Variants in TSNARE1 observed in about 807,000 individuals in gnomAD.
TSNARE1 encodes the protein t-SNARE domain containing 1.
TSNARE1 carries 49 observed loss-of-function variants against 62.0 expected under a neutral mutation model. That is an observed-to-expected ratio of 0.79 (90% CI 0.63 to 1.00). TSNARE1 has a LOEUF of 1.00. TSNARE1 is among the 50% of genes least tolerant of loss of function. The pLI is 0.00. For missense variants in TSNARE1, 755 were observed against 700.1 expected, an observed-to-expected ratio of 1.08 and a Z score of -0.88; for synonymous variants, 328 against 294.4, an observed-to-expected ratio of 1.11 and a Z score of -1.17.
intron 12 of TSNARE1, among the ~76,000 whole-genome samples, chr8:142,242,981 A>G (rs1817736192): frequency 6.6e-6 from 1 of 151,466 alleles, no homozygotes; most frequent in South Asian, 2.1e-4. Context: ...GCTAACAGAT[A>G]TATGACAAGG....
In TSNARE1 at chr8:142,358,284, G is replaced by A. The variant is rs11987042; in HGVS notation, c.-39-3521C>T. ...TCTGCTGGGTTTCAGGACAAGGGGAGCAGCCAGCGGCCATCACTGCAAAGG... is the reference window on the plus strand; with the variant it reads ...TCTGCTGGGTTTCAGGACAAGGGGAACAGCCAGCGGCCATCACTGCAAAGG... On this transcript the variant is annotated intron_variant, in intron 1 of 13. Transcript: ENST00000524325. 1.7e-3 allele frequency among the ~76,000 whole-genome samples: 242 copies of A among 142,460 alleles called. 8 individuals are homozygous for A. The highest frequency in any genetic ancestry group is 5.3e-3 in the African/African-American group (201 of 37,912). The allele number at this position is 142,460 out of a possible 152,430, so 93.5% of individuals were successfully genotyped here.
intron 12 of TSNARE1, among the ~76,000 whole-genome samples, chr8:142,259,716 C>G (rs565313477): frequency 2.2e-4 from 34 of 152,180 alleles, no homozygotes; most frequent in African/African-American, 8.2e-4. Context: ...ACCCCAGCAC[C>G]GGCGCAGGCC....
chr8:142,242,118 G>A (rs34459213), intron 12 of TSNARE1, among the ~76,000 whole-genome samples: 2 of 150,724 alleles, frequency 1.3e-5, no homozygotes, highest in African/African-American at 2.4e-5. Context: ...ATGGAAGACC[G>A]ACATGTGAGA....
intron 1 of TSNARE1, among the ~76,000 whole-genome samples, chr8:142,381,772 C>T (rs564205147): frequency 6.6e-5 from 10 of 152,328 alleles, no homozygotes; most frequent in East Asian, 3.9e-4. Flanking sequence ...GGGCAAGCAT[C>T]GTCACCTCCC....
At chr8:142,300,382 G>C in intron 10 of TSNARE1, 104 bp downstream of exon 10, 1 of 1,379,160 alleles carries the variant, frequency 7.3e-7, no homozygotes, top group South Asian at 1.4e-5. Flanking sequence ...GCCCCTCCAG[G>C]TCAAGGGCAA....
At chr8:142,270,895 C>T in intron 12 of TSNARE1, 5 of 985,564 alleles carry the variant, frequency 5.1e-6, no homozygotes, top group Non-Finnish European at 6.0e-6. Context: ...CCACCCTCTA[C>T]AGGCAATGGC....
chr8:142,276,509 G>A (rs572024768), intron 11 of TSNARE1: 2 of 985,408 alleles, frequency 2.0e-6, no homozygotes, highest in Middle Eastern at 5.2e-4. Flanking sequence ...CTGTTGCTGA[G>A]AGGTGAATGT....
chr8:142,227,245 C>T (rs1816859313), intron 13 of TSNARE1, among the ~76,000 whole-genome samples: 1 of 150,280 alleles, frequency 6.7e-6, no homozygotes, highest in Admixed American at 6.6e-5. Flanking sequence ...ACATCCTGCC[C>T]ACAATCACAG....
chr8:142,269,304 G>A (rs1050947396), intron 12 of TSNARE1, among the ~76,000 whole-genome samples: 4 of 152,204 alleles, frequency 2.6e-5, no homozygotes, highest in African/African-American at 9.7e-5. Flanking sequence ...AGGACATAGT[G>A]CAGGAGCAGG....
chr8:142,344,532 G>A (rs758558681), intron 3 of TSNARE1, 60 bp from the exon 4 acceptor site: 62 of 1,423,680 alleles, frequency 4.4e-5, no homozygotes, highest in Middle Eastern at 5.0e-4. Context: ...CAGCGGCCCC[G>A]GCGGCAGCTC....
intron 13 of TSNARE1, among the ~76,000 whole-genome samples, chr8:142,223,043 CTCACTCAT>C (rs1322386659): frequency 9.8e-5 from 4 of 40,756 alleles, no homozygotes; most frequent in African/African-American, 2.6e-4. Context: ...CATTCACTCA[CTCACTCAT>C]TCACTCATTC....
intron 12 of TSNARE1, among the ~76,000 whole-genome samples, chr8:142,269,084 G>GTTGTT (rs1819299373): frequency 6.6e-6 from 1 of 152,244 alleles, no homozygotes. Context: ...GTTTGCCTTG[G>GTTGTT]TTGTTTCTGT....
rs770494365 is a variant in TSNARE1 at position 142,230,556 on chromosome 8, G to A, written c.1447-977C>T. On this transcript the variant is annotated intron_variant, in intron 12 of 13. Coordinates refer to ENST00000524325, the MANE Select transcript of TSNARE1 (RefSeq NM_145003.5). The stretch of plus-strand genomic sequence containing the variant: ...GATGCCAGACAGGCGGAAGACTAAC[G>A]TGTCCATGAAAGATGGGCAGGGGCC... Among the ~76,000 whole-genome samples, 3 of 152,288 alleles carry A rather than the reference G, an allele frequency of 2.0e-5. 1 individual carries two copies. The South Asian group carries it at 6.2e-4, about 32-fold the overall frequency.
intron 12 of TSNARE1, among the ~76,000 whole-genome samples, chr8:142,256,193 TCAC>T (rs1818529203): frequency 6.4e-5 from 4 of 62,968 alleles, no homozygotes; most frequent in South Asian, 6.5e-4. Context: ...ACCACCATCA[TCAC>T]CACCACCACT....
At chr8:142,258,956 G>A (rs934233767) in intron 12 of TSNARE1, among the ~76,000 whole-genome samples, 7 of 152,280 alleles carry the variant, frequency 4.6e-5, no homozygotes, top group South Asian at 2.1e-4. Flanking sequence ...CAGCATCACC[G>A]GGGCCCTACT....
At chr8:142,339,266 A>T (rs554589348) in intron 4 of TSNARE1, among the ~76,000 whole-genome samples, 2 of 152,162 alleles carry the variant, frequency 1.3e-5, no homozygotes, top group East Asian at 3.9e-4. Flanking sequence ...ATGCCGAAGG[A>T]GCGAAGAATC....
upstream of TSNARE1, chr8:142,406,036 G>C (rs1838581483): frequency 6.6e-6 from 1 of 152,290 alleles, no homozygotes; most frequent in Non-Finnish European, 1.5e-5. Context: ...GCACAATCGA[G>C]CCTCCTGGTC....
chr8:142,354,645 T>G lies in TSNARE1; in HGVS notation c.80A>C (p.Gln27Pro). ...PFGGPSRQGC[Q>P]PLECARCWTE... is the part of the protein sequence containing the mutation. ...CCAGCTACTATCATTACCTAGGGGC[T>G]GACAGCCTTGTCTCGAAGGTCCCCC... The change falls in exon 2 of 14, where the codon CAG becomes CCG. Residue 27 changes from glutamine to proline, a missense_variant. Physicochemically the swap from Gln to Pro is moderately conservative, Grantham distance 76 (BLOSUM62 -1). Transcript: ENST00000524325. 1 of 1,612,498 alleles carries G rather than the reference T, an allele frequency of 6.2e-7. No individual in the cohort carries two copies. The highest frequency in any genetic ancestry group is 8.5e-7 in the Non-Finnish European group (1 of 1,179,168).
rs547956849 is a variant in TSNARE1 at position 142,231,581 on chromosome 8, C to T, written c.1447-2002G>A. 7.2e-5 allele frequency among the ~76,000 whole-genome samples: 11 copies of T among 152,302 alleles called. No homozygotes were observed. The South Asian group carries it at 1.2e-3, about 17-fold the overall frequency. On this transcript the variant is annotated intron_variant, in intron 12 of 13. Transcript: ENST00000524325. ...AGGACAACTTCAGGACACATGACAGCGCCCATGGCTTAGGATACTGGGGTT... is the reference window on the plus strand; with the variant it reads ...AGGACAACTTCAGGACACATGACAGTGCCCATGGCTTAGGATACTGGGGTT...
Sources: allele counts gnomAD v4.1 joint callset (sites outside exome capture counted in the v4.1 genomes callset), GRCh38; gene constraint gnomAD v4.1.1; transcripts MANE v1.5; gene names NCBI Gene and HGNC (gene_info 2026-07-23, HGNC 2026-07-21).